Variants in TNR observed in about 807,000 individuals in gnomAD.
TNR encodes the protein tenascin R, also known as tenascin-R.
In TNR, 45 loss-of-function variants were observed where a neutral mutation model predicts 150.4. The ratio of observed to expected loss-of-function variants is 0.30; its 90% CI spans 0.24 to 0.38. TNR has a LOEUF of 0.38. Among genes scored for constraint, TNR ranks in the 10% least tolerant of loss-of-function variants. The pLI is 1.00. For missense variants in TNR, 1,544 were observed against 1,759.1 expected (o/e 0.88, Z 2.19); for synonymous variants, 687 against 678.4 (o/e 1.01, Z -0.20).
At chr1:175,397,440 C>T (rs1557907215) in intron 4 of TNR, among the ~76,000 whole-genome samples, 1 of 152,144 alleles carries the variant, frequency 6.6e-6, no homozygotes, top group Non-Finnish European at 1.5e-5. Flanking sequence ...AACAGCACAC[C>T]ACTGGCCAAC....
chr1:175,554,219 G>A (rs540615441), intron 1 of TNR, among the ~76,000 whole-genome samples: 25 of 151,958 alleles, frequency 1.6e-4, no homozygotes, highest in African/African-American at 6.0e-4. Context: ...AGAGTCAAAG[G>A]TGCTATCATT....
chr1:175,659,595 C>A (rs1263420241), intron 1 of TNR, among the ~76,000 whole-genome samples: 1 of 152,174 alleles, frequency 6.6e-6, no homozygotes, highest in African/African-American at 2.4e-5. Context: ...GGCAGCAAGA[C>A]CCCAGGAGCC....
At chr1:175,331,063 T>TTC (rs1474575399) in intron 20 of TNR, among the ~76,000 whole-genome samples, 7 of 127,926 alleles carry the variant, frequency 5.5e-5, no homozygotes, top group Admixed American at 4.8e-4. Context: ...CTTTCTTTCT[T>TTC]TCTTTCTTTC....
At chr1:175,703,871 G>T (rs1666770981) in intron 1 of TNR, among the ~76,000 whole-genome samples, 1 of 152,130 alleles carries the variant, frequency 6.6e-6, no homozygotes, top group African/African-American at 2.4e-5. Flanking sequence ...CTAAATCCTG[G>T]CTACCACTTG....
chr1:175,693,977 T>G (rs2101920620), intron 1 of TNR, among the ~76,000 whole-genome samples: 1 of 152,354 alleles, frequency 6.6e-6, no homozygotes, highest in South Asian at 2.1e-4. Context: ...ATGTAAAAAG[T>G]AGAAGAATAA....
rs1052693250 is a variant in TNR, at chr1:175,605,872, C to G, written c.-164-77503G>C. On this transcript the variant is annotated intron_variant, in intron 1 of 22. Transcript: ENST00000367674. ...GGTTGTCCTCACAATTCTTCAAAAG[C>G]AGGCTTAACCCCTTGGTGGCTCTCT... 5.7e-4 allele frequency among the ~76,000 whole-genome samples: 87 copies of G among 152,298 alleles called. 1 individual carries two copies. The highest frequency in any genetic ancestry group is 2.0e-3 in the African/African-American group (85 of 41,562).
At chr1:175,530,722 CT>C (rs36074804) in intron 1 of TNR, among the ~76,000 whole-genome samples, 5 of 149,648 alleles carry the variant, frequency 3.3e-5, no homozygotes, top group East Asian at 2.0e-4. Context: ...AGTGCACTCT[CT>C]TTTTTTTTTC....
chr1:175,650,846 T>TAACTTG (rs1236733361), intron 1 of TNR, among the ~76,000 whole-genome samples: 1 of 64,428 alleles, frequency 1.6e-5, no homozygotes, highest in African/African-American at 7.3e-5. Context: ...CCCCACCTCA[T>TAACTTG]TACTACCCAT....
intron 1 of TNR, among the ~76,000 whole-genome samples, chr1:175,613,873 A>G (rs1224808829): frequency 3.9e-5 from 6 of 152,134 alleles, no homozygotes; most frequent in Non-Finnish European, 5.9e-5. Context: ...GAGTGTCACA[A>G]TTTAAATCCC....
At chr1:175,621,456 A>T (rs1553248060) in intron 1 of TNR, among the ~76,000 whole-genome samples, 1 of 152,080 alleles carries the variant, frequency 6.6e-6, no homozygotes, top group Non-Finnish European at 1.5e-5. Context: ...CCTGAGGTAC[A>T]TTTCAGGACG....
At position 175,598,066 on chromosome 1, in the gene TNR, A is replaced by C. The variant is rs74721519; in HGVS notation, c.-164-69697T>G. ...ATAATTCTTTCAGGCCACTACACACAGGGCATGTTCCTGAGGATGCCGAGA... is the reference window on the plus strand; with the variant it reads ...ATAATTCTTTCAGGCCACTACACACCGGGCATGTTCCTGAGGATGCCGAGA... On this transcript the variant is annotated intron_variant, in intron 1 of 22. Transcript: ENST00000367674. Among the ~76,000 whole-genome samples the C allele has an allele frequency of 6.8e-3, 1,031 of 152,318 alleles. 11 individuals are homozygous for C. The highest frequency in any genetic ancestry group is 0.024 in the African/African-American group (984 of 41,564).
intron 1 of TNR, among the ~76,000 whole-genome samples, chr1:175,644,977 C>T (rs1222809705): frequency 6.6e-6 from 1 of 152,122 alleles, no homozygotes; most frequent in East Asian, 1.9e-4. Flanking sequence ...TTCCTTCTTT[C>T]AGAGTCTTGG....
chr1:175,515,940 A>T (rs960746305), intron 2 of TNR, among the ~76,000 whole-genome samples: 1 of 152,198 alleles, frequency 6.6e-6, no homozygotes, highest in South Asian at 2.1e-4. Context: ...AAAGTGGCAA[A>T]CCTGGAAGGT....
At chr1:175,560,214 T>C (rs1426525031) in intron 1 of TNR, among the ~76,000 whole-genome samples, 1 of 152,254 alleles carries the variant, frequency 6.6e-6, no homozygotes, top group Admixed American at 6.5e-5. Flanking sequence ...TTGTTAGTTT[T>C]AGCCAGTCCC....
intron 4 of TNR, 102 bp from the exon 5 acceptor site, chr1:175,396,909 T>C: frequency 6.9e-7 from 1 of 1,453,970 alleles, no homozygotes; most frequent in Non-Finnish European, 9.4e-7. Flanking sequence ...GCCATGTCTA[T>C]ATGTCCTGCT....
At chr1:175,635,783 A>T (rs1413903563) in intron 1 of TNR, among the ~76,000 whole-genome samples, 1 of 152,228 alleles carries the variant, frequency 6.6e-6, no homozygotes, top group Non-Finnish European at 1.5e-5. Flanking sequence ...ATTACAGTCC[A>T]TCGAGCCCCA....
rs555144771 is a variant in TNR at position 175,668,637 on chromosome 1, C to T, written c.-165+74589G>A. On this transcript the variant is annotated intron_variant, in intron 1 of 22. Transcript: ENST00000367674. Reference sequence around the variant, plus strand: ...CTCAAAAAGAGTCAGGGACTTACACCGGACACAGCTGTAATGAGCATAAGA... The same window carrying T: ...CTCAAAAAGAGTCAGGGACTTACACTGGACACAGCTGTAATGAGCATAAGA... Among the ~76,000 whole-genome samples, 13 of 152,248 alleles carry T rather than the reference C, an allele frequency of 8.5e-5. 1 individual carries two copies. The South Asian group carries it at 1.7e-3, about 19-fold the overall frequency.
At chr1:175,448,646 G>A (rs572570390) in intron 2 of TNR, among the ~76,000 whole-genome samples, 1 of 152,210 alleles carries the variant, frequency 6.6e-6, no homozygotes, top group African/African-American at 2.4e-5. Flanking sequence ...CTTTCGAGCT[G>A]TGGAGGCAAC....
At chr1:175,420,720 G>GT (rs1400428173) in intron 2 of TNR, among the ~76,000 whole-genome samples, 5 of 152,166 alleles carry the variant, frequency 3.3e-5, no homozygotes, top group African/African-American at 7.2e-5. Flanking sequence ...TGTAAAGCAT[G>GT]TAAGGTGGGC....
Sources: gnomAD v4.1 joint callset for allele counts (sites outside exome capture counted in the v4.1 genomes callset) on GRCh38, gnomAD v4.1.1 for gene constraint, MANE v1.5 for transcripts, NCBI Gene and HGNC (gene_info 2026-07-23, HGNC 2026-07-21) for gene names.